The following WDR7 variants were observed in gnomAD, a reference collection of about 807,000 sequenced individuals.
The protein encoded by WDR7 is WD repeat domain 7.
WDR7 carries 46 observed loss-of-function variants against 169.4 expected under a neutral mutation model. That is an observed-to-expected ratio of 0.27 (90% CI 0.21 to 0.35). The LOEUF is 0.35. Among genes scored for constraint, WDR7 ranks in the 10% least tolerant of loss-of-function variants. WDR7 has a pLI of 1.00. For synonymous variants in WDR7, 612 were observed against 666.8 expected (o/e 0.92, Z 1.27); for missense variants, 1,534 against 1,859.3 (o/e 0.83, Z 3.22).
chr18:56,871,596 T>A (rs1307774556), intron 20 of WDR7, among the ~76,000 whole-genome samples: 1 of 152,136 alleles, frequency 6.6e-6, no homozygotes, highest in Non-Finnish European at 1.5e-5. Context: ...AACACTTTTA[T>A]TGTTTATTTT....
intron 26 of WDR7, among the ~76,000 whole-genome samples, chr18:56,988,433 G>A (rs1320561613): frequency 2.0e-5 from 3 of 152,242 alleles, no homozygotes; most frequent in Middle Eastern, 3.4e-3. Flanking sequence ...AAAATTGTTA[G>A]TTCAGGTCTC....
Position 56,829,092 on chromosome 18 carries a change from G to A in WDR7, c.3304+12948G>A, listed in dbSNP as rs80221288. On this transcript the variant is annotated intron_variant, in intron 20 of 27. Coordinates refer to ENST00000254442, the MANE Select transcript of WDR7 (RefSeq NM_015285.3). ...CAGACCAGGGGTTCAAGATTAGCCCGCGGCAACATAGTGAAACTTCACCTC... is the reference window on the plus strand; with the variant it reads ...CAGACCAGGGGTTCAAGATTAGCCCACGGCAACATAGTGAAACTTCACCTC... Among the ~76,000 whole-genome samples the A allele has an allele frequency of 7.6e-3, 1,130 of 147,858 alleles. 15 individuals are homozygous for A. Among genetic ancestry groups the A allele is most frequent in the African/African-American group, 0.027 (1,063 of 39,774 alleles).
chr18:56,973,259 G>A (rs747911348), intron 26 of WDR7, among the ~76,000 whole-genome samples: 11 of 152,218 alleles, frequency 7.2e-5, no homozygotes, highest in Admixed American at 2.0e-4. Flanking sequence ...TATATCCTTC[G>A]TAATATCTAT....
intron 20 of WDR7, among the ~76,000 whole-genome samples, chr18:56,859,545 T>C (rs1434952431): frequency 1.3e-5 from 2 of 152,226 alleles, no homozygotes; most frequent in Non-Finnish European, 2.9e-5. Context: ...AATTTGTATG[T>C]CTATGTGTTC....
At chr18:56,884,811 A>T (rs1192097058) in intron 21 of WDR7, among the ~76,000 whole-genome samples, 1 of 152,244 alleles carries the variant, frequency 6.6e-6, no homozygotes, top group African/African-American at 2.4e-5. Flanking sequence ...TCTTGAAAGC[A>T]CCACCTCCTG....
Position 56,695,057 on chromosome 18 carries a change from C to T in WDR7, c.1216C>T (p.Pro406Ser). 6.2e-7 allele frequency: 1 copy of T among 1,614,142 alleles called. No homozygotes were observed. The highest frequency in any genetic ancestry group is 8.5e-7 in the Non-Finnish European group (1 of 1,180,024). Residue 406 changes from proline (P) to serine (S), a missense_variant, in exon 11 of 28, where the codon CCT becomes TCT. Pro to Ser is a moderately conservative substitution (Grantham distance 74, BLOSUM62 -1). Coordinates refer to ENST00000254442, the MANE Select transcript of WDR7 (RefSeq NM_015285.3). ...QLSVIPNSNE[P>S]LKVTASVYIP... ...GAGTGTGATTCCCAATAGTAATGAA[C>T]CTCTTAAAGTAACTGCAAGTGTGTA...
At chr18:57,034,232 G>A (rs1033897465), downstream of WDR7, 1 of 151,998 alleles carries the variant, frequency 6.6e-6, no homozygotes, top group Non-Finnish European at 1.5e-5. Flanking sequence ...AAAAATAAAA[G>A]ACCCAGCCCC....
intron 22 of WDR7, 100 bp from the exon 23 acceptor site, chr18:56,935,688 C>T (rs1434541733): frequency 9.2e-7 from 1 of 1,084,826 alleles, no homozygotes; most frequent in African/African-American, 1.5e-5. Flanking sequence ...TTGAGTGCTC[C>T]CATTGACCTT....
intron 14 of WDR7, among the ~76,000 whole-genome samples, chr18:56,739,751 CT>C (rs930507994): frequency 6.6e-6 from 1 of 150,460 alleles, no homozygotes; most frequent in Non-Finnish European, 1.5e-5. Context: ...TCATTTCCAT[CT>C]TTTTTTGGGG....
chr18:56,824,382 C>T (rs1420219156), intron 20 of WDR7, among the ~76,000 whole-genome samples: 2 of 152,184 alleles, frequency 1.3e-5, no homozygotes, highest in Admixed American at 6.5e-5. Context: ...TTCACTTGCA[C>T]TTTCTGAGTC....
intron 1 of WDR7, among the ~76,000 whole-genome samples, chr18:56,667,129 C>T (rs1415448995): frequency 2.6e-5 from 4 of 152,192 alleles, no homozygotes; most frequent in Non-Finnish European, 5.9e-5. Flanking sequence ...TCCTCTTTAG[C>T]GTCATTGCAC....
chr18:56,762,309 G>A (rs549715136), intron 16 of WDR7, among the ~76,000 whole-genome samples: 6 of 151,814 alleles, frequency 4.0e-5, no homozygotes, highest in Non-Finnish European at 7.4e-5. Flanking sequence ...GTTGTGGAAT[G>A]TTTTCTTTTT....
chr18:56,993,269 G>C (rs1413516043), intron 26 of WDR7, among the ~76,000 whole-genome samples: 1 of 152,166 alleles, frequency 6.6e-6, no homozygotes, highest in Non-Finnish European at 1.5e-5. Context: ...TTGGAATTGA[G>C]AAAATAATTT....
At chr18:56,903,505 C>T (rs768931636) in intron 21 of WDR7, among the ~76,000 whole-genome samples, 5 of 151,958 alleles carry the variant, frequency 3.3e-5, no homozygotes, top group East Asian at 1.9e-4. Flanking sequence ...CTGCAGCCTC[C>T]GCCACCTGGG....
rs1363917731 is a variant in WDR7, at chr18:56,696,381, A to G, written c.1497A>G (p.Ile499Met). The change falls in exon 12 of 28, where the codon ATA (isoleucine) becomes ATG (methionine). Residue 499 changes from isoleucine (I) to methionine (M), a missense_variant. Physicochemically the swap from Ile to Met is conservative, Grantham distance 10. Coordinates refer to ENST00000254442, the MANE Select transcript of WDR7 (RefSeq NM_015285.3). The stretch of plus-strand genomic sequence containing the variant: ...ATTTTTCAGTCATAATTTGGGACAT[A>G]TTTTCTGGAGAAATGAAACATATCT... Reference protein sequence around the residue: ...GVDFSVIIWDIFSGEMKHIFC... With the variant: ...GVDFSVIIWDMFSGEMKHIFC... 3.7e-6 allele frequency: 6 copies of G among 1,613,986 alleles called. No homozygotes were observed. Among genetic ancestry groups the G allele is most frequent in the African/African-American group, 2.7e-5 (2 of 74,916 alleles).
chr18:56,959,637 A>G (rs2145765616), intron 25 of WDR7, among the ~76,000 whole-genome samples: 1 of 152,264 alleles, frequency 6.6e-6, no homozygotes, highest in South Asian at 2.1e-4. Context: ...ACACACAATA[A>G]CACTTACTCT....
intron 20 of WDR7, among the ~76,000 whole-genome samples, chr18:56,848,630 TG>T (rs2045599621): frequency 6.6e-6 from 1 of 152,006 alleles, no homozygotes; most frequent in Non-Finnish European, 1.5e-5. Flanking sequence ...GTCATGGGGG[TG>T]GATCCCTCAT....
downstream of WDR7, chr18:57,032,810 TATATA>T (rs1722848325): frequency 2.0e-4 from 4 of 19,966 alleles, 1 homozygote; most frequent in African/African-American, 1.1e-3. Context: ...TTTATATATA[TATATA>T]TATATATATA....
rs533852080 is a variant in WDR7, at chr18:56,691,129, A to G, written c.718-87A>G. 4.6e-6 allele frequency: 7 copies of G among 1,521,812 alleles called. No individual in the cohort carries two copies. In the South Asian group the frequency reaches 7.7e-5, roughly 17 times the overall value. The allele number at this position is 1,521,812 out of a possible 1,614,324, so 94.3% of individuals were successfully genotyped here. ...AACTGAGTTTTCTAAATACATTTCC[A>G]GGCTTTTTTTTTAAACTTGAAATGT... On this transcript the variant is annotated intron_variant, in intron 7 of 27. Transcript: ENST00000254442.
Sources: allele counts gnomAD v4.1 joint callset (sites outside exome capture counted in the v4.1 genomes callset), GRCh38; gene constraint gnomAD v4.1.1; transcripts MANE v1.5; gene names NCBI Gene and HGNC (gene_info 2026-07-23, HGNC 2026-07-21).